The following HEATR9 variants were observed in gnomAD, a reference collection of about 807,000 sequenced individuals.
HEATR9 encodes HEAT repeat containing 9.
In HEATR9, 54 loss-of-function variants were observed where a neutral mutation model predicts 68.2. The observed-to-expected ratio is 0.79, with a 90% CI of 0.64 to 0.99. HEATR9 has a LOEUF of 0.99. Ranked by LOEUF, HEATR9 falls within the 50% of genes least tolerant of loss-of-function variation. The probability of loss-of-function intolerance (pLI) is 0.00; values close to 1 mark genes in which losing one functional copy is unlikely to be tolerated. For synonymous variants in HEATR9, 241 were observed against 253.5 expected, an observed-to-expected ratio of 0.95 and a Z score of 0.47; for missense variants, 662 against 679.7, an observed-to-expected ratio of 0.97 and a Z score of 0.29.
intron 8 of HEATR9, among the ~76,000 whole-genome samples, chr17:35,860,864 T>C (rs2087963613): frequency 6.6e-6 from 1 of 151,920 alleles, no homozygotes; most frequent in African/African-American, 2.4e-5. Flanking sequence ...GCCAATATGG[T>C]GAAACCTCGT....
At chr17:35,861,594 T>G in intron 8 of HEATR9, 1 of 666,210 alleles carries the variant, frequency 1.5e-6, no homozygotes, top group Non-Finnish European at 2.7e-6. Context: ...CCCCTTTGCT[T>G]TCTTAACCAT....
intron 13 of HEATR9, 102 bp from the exon 14 acceptor site, chr17:35,855,852 G>T (rs113733432): frequency 3.0e-6 from 3 of 1,001,416 alleles, no homozygotes; most frequent in African/African-American, 3.2e-5. Context: ...AGCATAGAGA[G>T]GGGGGAGATA....
At chr17:35,863,359 G>T in intron 7 of HEATR9, 143 bp downstream of exon 7, 1 of 997,576 alleles carries the variant, frequency 1.0e-6, no homozygotes, top group Non-Finnish European at 1.5e-6. Flanking sequence ...TTCCTCTCTT[G>T]GTTCAACATA....
In HEATR9 at chr17:35,858,993, A is replaced by G; in HGVS notation, c.834T>C (p.Ser278=). Reference sequence around the variant, plus strand: ...AACCCAGGCACAGGGCTGCCTCCAGAGATGCTTCACTGGACGACTTCTTGA... The same window carrying G: ...AACCCAGGCACAGGGCTGCCTCCAGGGATGCTTCACTGGACGACTTCTTGA... ...TLIKKSSSEA[S]LEAALCLGFL... The change falls in exon 9 of 15, where the codon TCT becomes TCC. Residue 278 remains serine (S), a synonymous_variant. Coordinates refer to ENST00000604834, the MANE Select transcript of HEATR9 (RefSeq NM_152781.4). 6.2e-7 allele frequency: 1 copy of G among 1,614,176 alleles called. No homozygotes were observed.
intron 8 of HEATR9, 119 bp from the exon 9 acceptor site, chr17:35,859,189 C>T: frequency 1.1e-6 from 1 of 903,000 alleles, no homozygotes; most frequent in Non-Finnish European, 1.7e-6. Context: ...ATTATTTCAA[C>T]CAATTAACTT....
intron 5 of HEATR9, 57 bp from the exon 6 acceptor site, chr17:35,864,359 T>C: frequency 6.5e-7 from 1 of 1,538,940 alleles, no homozygotes; most frequent in Non-Finnish European, 9.0e-7. Flanking sequence ...CCCCAGGAGT[T>C]ACCATTCTCT....
rs750546702 is a variant in HEATR9, at chr17:35,863,149, C to G, written c.626-24G>C. The G allele has an allele frequency of 1.9e-6, 3 of 1,612,782 alleles. No homozygotes were observed. In the East Asian group the frequency reaches 6.7e-5, roughly 36 times the overall value. ...ACCTGGACAGGGAGGGGCCTCAAGT[C>G]AGGGCAGAGCCTCTGGTACTGCCCC... On this transcript the variant is annotated intron_variant, in intron 7 of 14. Coordinates refer to ENST00000604834, the MANE Select transcript of HEATR9 (RefSeq NM_152781.4).
chr17:35,856,239 G>T lies in HEATR9; in HGVS notation c.1227-15C>A. The T allele has an allele frequency of 6.2e-7, 1 of 1,614,062 alleles. No homozygotes were observed. Among genetic ancestry groups the T allele is most frequent in the Non-Finnish European group, 8.5e-7 (1 of 1,179,964 alleles). On this transcript the variant is annotated splice_polypyrimidine_tract_variant and intron_variant, in intron 12 of 14. Transcript: ENST00000604834. Reference sequence around the variant, plus strand: ...TCATCAGTTGTCTGTGTAGAAGGGAGTGAGTATGTTATAGTTGAATTAAGG... The same window carrying T: ...TCATCAGTTGTCTGTGTAGAAGGGATTGAGTATGTTATAGTTGAATTAAGG...
rs778311859 is a variant in HEATR9, at chr17:35,858,256, G to T, written c.1096C>A (p.Leu366Ile). The change falls in exon 11 of 15, where the codon CTA becomes ATA. Residue 366 changes from leucine to isoleucine, a missense_variant. Leu to Ile is a conservative substitution (Grantham distance 5). Coordinates refer to ENST00000604834, the MANE Select transcript of HEATR9 (RefSeq NM_152781.4). ...AGCAGGTTAAATGTGAGTTCCTCTA[G>T]CCCCTGTGCCTGGATCTGTTCCAGC... ...IGLEQIQAQG[L>I]EELTFNLLRR... is the part of the protein sequence containing the mutation. 2 of 1,614,030 alleles carry T rather than the reference G, an allele frequency of 1.2e-6. No homozygotes were observed. The highest frequency in any genetic ancestry group is 1.7e-6 in the Non-Finnish European group (2 of 1,180,016).
At chr17:35,861,240 C>T (rs748999933) in intron 8 of HEATR9, 18 of 1,559,452 alleles carry the variant, frequency 1.2e-5, no homozygotes, top group Middle Eastern at 2.2e-4. Flanking sequence ...ACAATCTGTT[C>T]GTTATAAATT....
chr17:35,856,351 C>T, intron 12 of HEATR9, 127 bp from the exon 13 acceptor site: 1 of 1,600,968 alleles, frequency 6.2e-7, no homozygotes, highest in Non-Finnish European at 8.5e-7. Context: ...ATTTCCTTCT[C>T]TTGTTTCTTG....
At chr17:35,863,961 G>C (rs146323927) in intron 6 of HEATR9, 1 of 547,686 alleles carries the variant, frequency 1.8e-6, no homozygotes, top group African/African-American at 1.9e-5. Flanking sequence ...TAAAGGCAGA[G>C]AATGTACTCT....
In HEATR9 at chr17:35,856,199, C is replaced by G; in HGVS notation, c.1252G>C (p.Ala418Pro). Residue 418 changes from alanine to proline, a missense_variant, in exon 13 of 15, where the codon GCA (alanine) becomes CCA (proline). Coordinates refer to ENST00000604834, the MANE Select transcript of HEATR9 (RefSeq NM_152781.4). ...EAQLMNPDAT[A>P]RQEAVISLGV... ...AAAGAGATGACTGCTTCCTGGCGTG[C>G]AGTGGCATCTGGGTTCATCAGTTGT... 2.5e-6 allele frequency: 4 copies of G among 1,614,134 alleles called. No homozygotes were observed. The highest frequency in any genetic ancestry group is 2.5e-6 in the Non-Finnish European group (3 of 1,179,994).
In HEATR9 at chr17:35,868,580, TGGGAGTGAGAGCCA is replaced by T. The variant is rs2088292202; in HGVS notation, c.88+61_88+74del. 1.6e-5 allele frequency: 26 copies of T among 1,602,624 alleles called. No individual in the cohort carries two copies. In the South Asian group the frequency reaches 2.8e-4, roughly 17 times the overall value. On this transcript the variant is annotated intron_variant, in intron 1 of 14. Coordinates refer to ENST00000604834, the MANE Select transcript of HEATR9 (RefSeq NM_152781.4). ...TGCTGAACTCACCTAGACCCTTGCCTGGGAGTGAGAGCCAGGTAGCATTTCTTTTTCAGTCCCCT... is the reference window on the plus strand; with the variant it reads ...TGCTGAACTCACCTAGACCCTTGCCTGGTAGCATTTCTTTTTCAGTCCCCT...
intron 1 of HEATR9, among the ~76,000 whole-genome samples, chr17:35,867,745 T>C (rs1196882039): frequency 2.6e-5 from 4 of 152,112 alleles, no homozygotes; most frequent in Admixed American, 2.6e-4. Context: ...AAGGGTGGGG[T>C]CTGAGAATTT....
rs1479370903 is a variant in HEATR9, at chr17:35,865,299, A to C, written c.236T>G (p.Ile79Ser). ...ATACAGGTCGTGCCAGTGCGTGTAG[A>C]TCTCAGGTTTCTTGAAGTAGCAGTA... ...VPYCYFKKPE[I>S]YTHWHDLYDQ... The change falls in exon 3 of 15, where the codon ATC (isoleucine) becomes AGC (serine). Residue 79 changes from isoleucine to serine, a missense_variant. Physicochemically the swap from Ile to Ser is moderately radical, Grantham distance 142 (BLOSUM62 -2). Coordinates refer to ENST00000604834, the MANE Select transcript of HEATR9 (RefSeq NM_152781.4). The C allele has an allele frequency of 9.9e-6, 16 of 1,613,686 alleles. No homozygotes were observed. The highest frequency in any genetic ancestry group is 1.4e-5 in the Non-Finnish European group (16 of 1,179,916).
At chr17:35,861,541 G>T in intron 8 of HEATR9, 1 of 845,072 alleles carries the variant, frequency 1.2e-6, no homozygotes, top group East Asian at 2.4e-5. Flanking sequence ...GGGCCTCGAA[G>T]AGAAATAACA....
chr17:35,868,649 C>T lies in HEATR9; in HGVS notation c.88+6G>A, dbSNP rs562492214. On this transcript the variant is annotated splice_donor_region_variant and intron_variant, in intron 1 of 14. Transcript: ENST00000604834. ...TTGGCTCCATTTCTGTCCATCCCAG[C>T]CTCACCTTTGGTCTTGTCTGGATAT... 16 of 1,614,158 alleles carry T rather than the reference C, an allele frequency of 9.9e-6. No individual in the cohort carries two copies. In the South Asian group the frequency reaches 1.3e-4, roughly 13 times the overall value.
chr17:35,859,007 AC>A lies in HEATR9; in HGVS notation c.819del (p.Ser274ProfsTer15). ...VPVLQTLIKK[S>X]SSEASLEAAL... ...GCTGCCTCCAGAGATGCTTCACTGG[AC>A]GACTTCTTGATCAGTGTCTGTAGTA... On this transcript the variant is annotated frameshift_variant, in exon 9 of 15. Coordinates refer to ENST00000604834, the MANE Select transcript of HEATR9 (RefSeq NM_152781.4). LOFTEE classifies it high-confidence loss of function. 6.2e-7 allele frequency: 1 copy of A among 1,614,154 alleles called. No individual in the cohort carries two copies. The highest frequency in any genetic ancestry group is 2.2e-5 in the East Asian group (1 of 44,878).
Sources: allele counts gnomAD v4.1 joint callset (sites outside exome capture counted in the v4.1 genomes callset), GRCh38; gene constraint gnomAD v4.1.1; transcripts MANE v1.5; gene names NCBI Gene and HGNC (gene_info 2026-07-23, HGNC 2026-07-21).